The following MYOM1 variants were observed in gnomAD, a reference collection of about 807,000 sequenced individuals.
MYOM1 encodes the protein myomesin-1.
Under a neutral mutation model 205.3 loss-of-function variants are expected in MYOM1, and 164 were observed. The observed-to-expected ratio is 0.80, with a 90% confidence interval of 0.70 to 0.91. The LOEUF (loss-of-function observed/expected upper bound fraction) is 0.91. MYOM1 is among the 40% of genes least tolerant of loss of function. The probability of loss-of-function intolerance (pLI) is 0.00; values close to 1 mark genes in which losing one functional copy is unlikely to be tolerated. For missense variants in MYOM1, 2,011 were observed against 2,127.3 expected (o/e 0.95, Z 1.08); for synonymous variants, 772 against 789.4 (o/e 0.98, Z 0.37).
chr18:3,069,122 C>T lies in MYOM1; in HGVS notation c.4765-1567G>A, dbSNP rs142452325. ...GAAATTGCCAAACGGTTTTTCTGAG[C>T]GGCTATACAATTTTGGCTTACATTC... On this transcript the variant is annotated intron_variant, in intron 37 of 37. Coordinates refer to ENST00000356443, the MANE Select transcript of MYOM1 (RefSeq NM_003803.4). 1.4e-3 allele frequency among the ~76,000 whole-genome samples: 211 copies of T among 152,060 alleles called. 2 individuals are homozygous for T. The highest frequency in any genetic ancestry group is 4.7e-3 in the African/African-American group (193 of 41,492).
chr18:3,094,068 A>C, intron 26 of MYOM1, 102 bp downstream of exon 26: 2 of 1,215,294 alleles, frequency 1.6e-6, no homozygotes, highest in Non-Finnish European at 2.3e-6. Flanking sequence ...CTCCCACTCC[A>C]CCACCCAGCG....
At chr18:3,099,393 T>C (rs914439792) in intron 25 of MYOM1, among the ~76,000 whole-genome samples, 1 of 152,170 alleles carries the variant, frequency 6.6e-6, no homozygotes, top group African/African-American at 2.4e-5. Context: ...CCTTTATTAG[T>C]GGAGGATTTA....
At chr18:3,215,528 A>AGGG (rs2081254400) in intron 1 of MYOM1, among the ~76,000 whole-genome samples, 1 of 152,118 alleles carries the variant, frequency 6.6e-6, no homozygotes, top group South Asian at 2.1e-4. Context: ...GCTTGAGCCC[A>AGGG]AGACTTCGAG....
chr18:3,153,889 G>C (rs1221168208), intron 11 of MYOM1, among the ~76,000 whole-genome samples: 1 of 152,132 alleles, frequency 6.6e-6, no homozygotes, highest in Non-Finnish European at 1.5e-5. Flanking sequence ...AGAGAACAAT[G>C]TTATTTAGGC....
chr18:3,223,172 T>C (rs2081338911), upstream of MYOM1, among the ~76,000 whole-genome samples: 2 of 152,344 alleles, frequency 1.3e-5, no homozygotes, highest in Admixed American at 6.5e-5. Flanking sequence ...TGAGCCACCA[T>C]GTCTGGCTGT....
At chr18:3,187,448 G>T (rs1191293984) in intron 5 of MYOM1, 32 bp downstream of exon 5, 4 of 1,602,766 alleles carry the variant, frequency 2.5e-6, no homozygotes, top group Non-Finnish European at 3.4e-6. Flanking sequence ...TTGGTGTAAT[G>T]AATTCTGTTA....
Position 3,151,887 on chromosome 18 carries a change from C to G in MYOM1, c.1650G>C (p.Glu550Asp), listed in dbSNP as rs373255016. ...PILGYFIDKC[E>D]VGTDSWSQCN... Reference sequence around the variant, plus strand: ...ACTGCGACCAGCTATCTGTGCCCACCTCACACCTAAAGGAATGAGCGTGAT... The same window carrying G: ...ACTGCGACCAGCTATCTGTGCCCACGTCACACCTAAAGGAATGAGCGTGAT... The change falls in exon 12 of 38, where the codon GAG becomes GAC. Residue 550 changes from glutamate (E) to aspartate (D), a missense_variant. Physicochemically the swap from Glu to Asp is conservative, Grantham distance 45. Coordinates refer to ENST00000356443, the MANE Select transcript of MYOM1 (RefSeq NM_003803.4). 5.0e-6 allele frequency: 8 copies of G among 1,611,840 alleles called. No homozygotes were observed. Among genetic ancestry groups the G allele is most frequent in the Non-Finnish European group, 6.8e-6 (8 of 1,178,510 alleles).
At chr18:3,211,814 ACT>A (rs1471894301) in intron 2 of MYOM1, among the ~76,000 whole-genome samples, 1 of 152,142 alleles carries the variant, frequency 6.6e-6, no homozygotes, top group African/African-American at 2.4e-5. Context: ...AGCACATGTA[ACT>A]CTCCATAGTT....
chr18:3,085,576 G>C (rs1381046292), intron 30 of MYOM1, among the ~76,000 whole-genome samples: 1 of 151,926 alleles, frequency 6.6e-6, no homozygotes, highest in East Asian at 1.9e-4. Context: ...ACCTTCCAAG[G>C]CTGTAATTGA....
At chr18:3,120,427 C>T (rs546900491) in intron 19 of MYOM1, among the ~76,000 whole-genome samples, 2 of 152,242 alleles carry the variant, frequency 1.3e-5, no homozygotes, top group Admixed American at 1.3e-4. Flanking sequence ...GCTGCCTACC[C>T]ACTCACATTT....
intron 1 of MYOM1, among the ~76,000 whole-genome samples, chr18:3,215,511 G>A (rs896075380): frequency 2.0e-5 from 3 of 152,164 alleles, no homozygotes; most frequent in African/African-American, 4.8e-5. Context: ...GCTGAGGCAG[G>A]AGGATTGCTT....
At chr18:3,157,521 T>A (rs894629590) in intron 10 of MYOM1, among the ~76,000 whole-genome samples, 2 of 151,640 alleles carry the variant, frequency 1.3e-5, no homozygotes, top group South Asian at 4.2e-4. Context: ...CTATGCATTT[T>A]AAAAAAATAG....
rs919793480 is a variant in MYOM1 at position 3,129,098 on chromosome 18, T to G, written c.2794+134A>C. ...ATCAGATGAAAGTACACATTTCAGA[T>G]GGCTAGCTGAAAACACATACAATAA... On this transcript the variant is annotated intron_variant, in intron 18 of 37. Transcript: ENST00000356443. The G allele has an allele frequency of 2.6e-6, 3 of 1,172,786 alleles. No individual in the cohort carries two copies. The East Asian group carries it at 7.7e-5, about 30-fold the overall frequency. 72.6% of individuals were successfully genotyped at this position (1,172,786 alleles called of 1,614,324 possible).
At chr18:3,084,088 C>A (rs2079122118) in intron 31 of MYOM1, 61 bp from the exon 32 acceptor site, 2 of 1,526,620 alleles carry the variant, frequency 1.3e-6, no homozygotes, top group Non-Finnish European at 8.9e-7. Flanking sequence ...AAGGTTAAAT[C>A]TCAAATTCTT....
At chr18:3,222,285 T>C (rs1361088980), upstream of MYOM1, among the ~76,000 whole-genome samples, 1 of 152,220 alleles carries the variant, frequency 6.6e-6, no homozygotes, top group Non-Finnish European at 1.5e-5. Flanking sequence ...ATGTAATTTA[T>C]TATGTAGCTA....
upstream of MYOM1, among the ~76,000 whole-genome samples, chr18:3,220,293 A>G (rs1434744631): frequency 6.6e-6 from 1 of 152,244 alleles, no homozygotes; most frequent in Admixed American, 6.5e-5. Flanking sequence ...TTTAATGCCA[A>G]GATATGATTC....
intron 8 of MYOM1, among the ~76,000 whole-genome samples, chr18:3,171,637 T>A (rs1302568352): frequency 3.3e-5 from 5 of 152,022 alleles, no homozygotes; most frequent in Admixed American, 3.3e-4. Flanking sequence ...GTGGGGCAAA[T>A]CTAGGATGTC....
At chr18:3,186,752 AGAAG>A (rs946832443) in intron 5 of MYOM1, among the ~76,000 whole-genome samples, 8 of 149,648 alleles carry the variant, frequency 5.3e-5, no homozygotes, top group East Asian at 1.9e-4. Context: ...AAAGAGAGAA[AGAAG>A]GAAGGAAGGA....
chr18:3,201,881 T>C (rs1179930355), intron 2 of MYOM1, among the ~76,000 whole-genome samples: 12 of 152,084 alleles, frequency 7.9e-5, no homozygotes, highest in Admixed American at 7.9e-4. Flanking sequence ...TGAGCTCAAG[T>C]GAGTCACCCA....
Sources: allele counts gnomAD v4.1 joint callset (sites outside exome capture counted in the v4.1 genomes callset), GRCh38; gene constraint gnomAD v4.1.1; transcripts MANE v1.5; gene names NCBI Gene and HGNC (gene_info 2026-07-23, HGNC 2026-07-21).